AP5M1: variants seen among roughly 807,000 people sequenced by gnomAD.
AP5M1 encodes adaptor related protein complex 5 subunit mu 1.
Under a neutral mutation model 52.3 loss-of-function variants are expected in AP5M1, and 44 were observed. The ratio of observed to expected loss-of-function variants is 0.84; its 90% CI spans 0.66 to 1.08. AP5M1 has a LOEUF of 1.08. AP5M1 is among the 50% of genes least tolerant of loss of function. The probability of loss-of-function intolerance (pLI) is 0.00; values close to 1 mark genes in which losing one functional copy is unlikely to be tolerated. For synonymous variants in AP5M1, 213 were observed against 199.0 expected, an observed-to-expected ratio of 1.07 and a Z score of -0.59; for missense variants, 526 against 568.4, an observed-to-expected ratio of 0.93 and a Z score of 0.76.
At position 57,288,904 on chromosome 14, in the gene AP5M1, G is replaced by A. The variant is rs778432706; in HGVS notation, c.*20G>A. On this transcript the variant is annotated 3_prime_UTR_variant, in exon 8 of 8. Transcript: ENST00000261558. ...TTGTAATAGTCTCATGTTTAAATGG[G>A]ATTATATAATGATAACAGTTTAAAG... is the stretch of plus-strand genomic sequence containing the variant. The A allele has an allele frequency of 2.2e-6, 3 of 1,350,712 alleles. No individual in the cohort carries two copies. The African/African-American group carries it at 4.4e-5, about 20-fold the overall frequency. The allele number at this position is 1,350,712 out of a possible 1,614,324, so 83.7% of individuals were successfully genotyped here.
rs777656457 is a variant in AP5M1 at position 57,283,039 on chromosome 14, T to G, written c.1174+20T>G. On this transcript the variant is annotated intron_variant, in intron 5 of 7. Transcript: ENST00000261558. ...TTATTGGTGAGCAAGTTTTATTTAT[T>G]GATTTTTTTTCTTTTCATTTACTGT... 1.3e-6 allele frequency: 2 copies of G among 1,576,634 alleles called. No homozygotes were observed. The highest frequency in any genetic ancestry group is 2.3e-5 in the South Asian group (2 of 85,706).
At position 57,290,293 on chromosome 14, in the gene AP5M1, C is replaced by T. The variant is rs989766983; in HGVS notation, c.*1409C>T. 4 of 151,744 alleles carry T rather than the reference C, an allele frequency of 2.6e-5. No individual in the cohort carries two copies. Among genetic ancestry groups the T allele is most frequent in the African/African-American group, 9.7e-5 (4 of 41,346 alleles). 9.4% of individuals were successfully genotyped at this position (151,744 alleles called of 1,614,324 possible). ...CTATGTTCAAAATTATCCCAAGTAA[C>T]AAAGAAAAAAAGAATAACTGCCTGA... On this transcript the variant is annotated 3_prime_UTR_variant, in exon 8 of 8. Transcript: ENST00000261558.
Position 57,274,804 on chromosome 14 carries a change from C to G in AP5M1, c.635C>G (p.Ser212Cys). ...AAAGGAAAACCACAAGTTTCTATTT[C>G]TATCACTGAAAAGGTAAAATCCATG... The part of the protein sequence containing the change: ...TYKGKPQVSI[S>C]ITEKVKSMQY... Residue 212 changes from serine to cysteine, a missense_variant, in exon 2 of 8, where the codon TCT (serine) becomes TGT (cysteine). By Grantham distance (112) the Ser-to-Cys change is moderately radical. This residue lies in a region of AP5M1 where 425 missense variants were observed against 430.6 expected (regional missense o/e 0.99). Coordinates refer to ENST00000261558, the MANE Select transcript of AP5M1 (RefSeq NM_018229.4). 6.2e-7 allele frequency: 1 copy of G among 1,614,170 alleles called. No individual in the cohort carries two copies. The highest frequency in any genetic ancestry group is 8.5e-7 in the Non-Finnish European group (1 of 1,180,026).
chr14:57,274,939 G>A (rs1028158468), intron 2 of AP5M1, 50 bp downstream of exon 2: 5 of 1,596,524 alleles, frequency 3.1e-6, no homozygotes, highest in Non-Finnish European at 4.3e-6. Flanking sequence ...AACATATGGA[G>A]AAAAGTTAAA....
chr14:57,280,308 A>C lies in AP5M1; in HGVS notation c.834A>C (p.Ala278=). The C allele has an allele frequency of 6.2e-7, 1 of 1,613,912 alleles. No homozygotes were observed. ...VHPCVTSLDS[A]ILTSSSIDAM... Reference sequence around the variant, plus strand: ...CTTGTGTAACTTCTCTTGACTCTGCAATTCTGACTTCTAGTAGTATTGATG... The same window carrying C: ...CTTGTGTAACTTCTCTTGACTCTGCCATTCTGACTTCTAGTAGTATTGATG... Residue 278 remains alanine, a synonymous_variant, in exon 3 of 8, where the codon GCA becomes GCC. Transcript: ENST00000261558.
intron 1 of AP5M1, chr14:57,273,887 T>G (rs185537588): frequency 1.1e-4 from 65 of 600,764 alleles, no homozygotes; most frequent in South Asian, 6.4e-4. Flanking sequence ...AAAATTCTTA[T>G]AGATGCCTAA....
At chr14:57,280,481 T>C in intron 3 of AP5M1, 59 bp downstream of exon 3, 1 of 1,100,868 alleles carries the variant, frequency 9.1e-7, no homozygotes, top group Non-Finnish European at 1.4e-6. Flanking sequence ...ATACTATTGA[T>C]AAGTAGATAA....
chr14:57,277,108 T>G (rs1885057578), intron 2 of AP5M1, among the ~76,000 whole-genome samples: 1 of 151,700 alleles, frequency 6.6e-6, no homozygotes, highest in African/African-American at 2.4e-5. Flanking sequence ...TTTCTCATTT[T>G]TAAAATGAGA....
Position 57,282,143 on chromosome 14 carries a change from C to G in AP5M1, c.1003C>G (p.Leu335Val). 1.3e-6 allele frequency: 2 copies of G among 1,583,434 alleles called. No individual in the cohort carries two copies. The highest frequency in any genetic ancestry group is 2.3e-5 in the East Asian group (1 of 43,380). Residue 335 changes from leucine (L) to valine (V), a missense_variant, in exon 4 of 8, where the codon CTA becomes GTA. Coordinates refer to ENST00000261558, the MANE Select transcript of AP5M1 (RefSeq NM_018229.4). Reference protein sequence around the residue: ...FYQMKEEEVQLRITINLKLHE... With the variant: ...FYQMKEEEVQVRITINLKLHE... ...TCAAATGAAGGAGGAAGAAGTACAA[C>G]TAAGAATAACCATTAATTTAAAACT...
At position 57,292,900 on chromosome 14, in the gene AP5M1, T is replaced by C. The variant is rs1284940509; in HGVS notation, c.*4016T>C. The C allele has an allele frequency of 6.6e-6, 1 of 151,740 alleles. No individual in the cohort carries two copies. Among genetic ancestry groups the C allele is most frequent in the Non-Finnish European group, 1.5e-5 (1 of 67,782 alleles). 9.4% of individuals were successfully genotyped at this position (151,740 alleles called of 1,614,324 possible). On this transcript the variant is annotated 3_prime_UTR_variant, in exon 8 of 8. Transcript: ENST00000261558. ...GAAGCTTTGTTAACTATTTCTTTTC[T>C]TGAGGCAAAGGAGCTTCTTGTGTTT...
rs1452831673 is a variant in AP5M1, at chr14:57,280,358, G to A, written c.884G>A (p.Gly295Glu). Residue 295 changes from glycine (G) to glutamate (E), a missense_variant, in exon 3 of 8, where the codon GGG (glycine) becomes GAG (glutamate). Around this residue, in one of 3 missense-constraint regions of AP5M1, gnomAD observed 425 missense variants for 430.6 expected, o/e 0.99. Coordinates refer to ENST00000261558, the MANE Select transcript of AP5M1 (RefSeq NM_018229.4). The stretch of plus-strand genomic sequence containing the variant: ...GCAATGGATGACTCTGCATTTAGTG[G>A]GCCTTACAAATTTCCATTCACTCCA... ...IDAMDDSAFSGPYKFPFTPPL... is the reference protein window; with the variant it reads ...IDAMDDSAFSEPYKFPFTPPL... 2 of 1,613,870 alleles carry A rather than the reference G, an allele frequency of 1.2e-6. No homozygotes were observed. Among genetic ancestry groups the A allele is most frequent in the East Asian group, 2.2e-5 (1 of 44,852 alleles).
At position 57,296,698 on chromosome 14, in the gene AP5M1, G is replaced by C. The variant is rs1885559984; in HGVS notation, c.*7814G>C. 2 of 151,878 alleles carry C rather than the reference G, an allele frequency of 1.3e-5. No homozygotes were observed. Among genetic ancestry groups the C allele is most frequent in the Admixed American group, 1.3e-4 (2 of 15,202 alleles). The allele number at this position is 151,878 out of a possible 1,614,324, so 9.4% of individuals were successfully genotyped here. A position where few individuals can be genotyped will look rare whatever the true frequency, so the allele number is the denominator to read the frequency against. ...ATAGCATGTTATTTTATTTAATATT[G>C]AAGGCCTAAACACAATTGAACATAA... On this transcript the variant is annotated 3_prime_UTR_variant, in exon 8 of 8. Transcript: ENST00000261558.
intron 1 of AP5M1, among the ~76,000 whole-genome samples, chr14:57,270,481 G>A: frequency 6.6e-6 from 1 of 152,184 alleles, no homozygotes. Context: ...ATGAAAATTG[G>A]TTGGCAATGG....
chr14:57,283,033 A>G lies in AP5M1; in HGVS notation c.1174+14A>G. ...TCTGGATTATTGGTGAGCAAGTTTT[A>G]TTTATTGATTTTTTTTCTTTTCATT... On this transcript the variant is annotated intron_variant, in intron 5 of 7. Transcript: ENST00000261558. 1 of 1,580,010 alleles carries G rather than the reference A, an allele frequency of 6.3e-7. No homozygotes were observed. Among genetic ancestry groups the G allele is most frequent in the Non-Finnish European group, 8.6e-7 (1 of 1,160,136 alleles).
chr14:57,269,581 T>G (rs1884826128), intron 1 of AP5M1, among the ~76,000 whole-genome samples, 193 bp downstream of exon 1: 1 of 152,138 alleles, frequency 6.6e-6, no homozygotes. Context: ...GAGAATTGAG[T>G]TGATGACTGG....
Position 57,297,602 on chromosome 14 carries a change from C to A in AP5M1, c.*8718C>A. On this transcript the variant is annotated 3_prime_UTR_variant, in exon 8 of 8. Coordinates refer to ENST00000261558, the MANE Select transcript of AP5M1 (RefSeq NM_018229.4). ...TGTGTGTGTGTGCATGTGTGGAAAA[C>A]AAGAAAAATACAAGCTCTAGAGTAG... The A allele has an allele frequency of 1.3e-5, 2 of 151,796 alleles. 1 individual carries two copies. The highest frequency in any genetic ancestry group is 2.9e-5 in the Non-Finnish European group (2 of 67,870). 9.4% of individuals were successfully genotyped at this position (151,796 alleles called of 1,614,324 possible). A position where few individuals can be genotyped will look rare whatever the true frequency, so the allele number is the denominator to read the frequency against.
rs530546443 is a variant in AP5M1 at position 57,294,718 on chromosome 14, G to A, written c.*5834G>A. 7.9e-5 allele frequency: 12 copies of A among 152,006 alleles called. No homozygotes were observed. The South Asian group carries it at 2.5e-3, about 32-fold the overall frequency. 9.4% of individuals were successfully genotyped at this position (152,006 alleles called of 1,614,324 possible). On this transcript the variant is annotated 3_prime_UTR_variant, in exon 8 of 8. Transcript: ENST00000261558. ...AGTAACACACATTCCCTCACAGAAA[G>A]GAGATTGGGAAAATAGCTATTTTGA... is the stretch of plus-strand genomic sequence containing the variant.
At chr14:57,273,065 G>A (rs958220771) in intron 1 of AP5M1, among the ~76,000 whole-genome samples, 8 of 151,598 alleles carry the variant, frequency 5.3e-5, no homozygotes, top group Non-Finnish European at 1.0e-4. Flanking sequence ...TCAGCCTCCC[G>A]AGTAGCCAGG....
chr14:57,281,465 A>G (rs1885172814), intron 3 of AP5M1, among the ~76,000 whole-genome samples: 1 of 152,254 alleles, frequency 6.6e-6, no homozygotes, highest in South Asian at 2.1e-4. Context: ...CACAGTTCTT[A>G]CTGGGACTAG....
Sources: allele counts gnomAD v4.1 joint callset (sites outside exome capture counted in the v4.1 genomes callset), GRCh38; gene constraint gnomAD v4.1.1; regional missense constraint gnomAD v4.1.1; transcripts MANE v1.5; gene names NCBI Gene and HGNC (gene_info 2026-07-23, HGNC 2026-07-21).